The following URB1 variants were observed in gnomAD, a reference collection of about 807,000 sequenced individuals.
The protein encoded by URB1 is URB1 ribosome biogenesis factor.
Under a neutral mutation model 242.3 loss-of-function variants are expected in URB1, and 197 were observed. The ratio of observed to expected loss-of-function variants is 0.81; its 90% CI spans 0.72 to 0.91. The LOEUF (loss-of-function observed/expected upper bound fraction) is 0.91. Ranked by LOEUF, URB1 falls within the 40% of genes least tolerant of loss-of-function variation. The probability of loss-of-function intolerance (pLI) is 0.00; values close to 1 mark genes in which losing one functional copy is unlikely to be tolerated. For missense variants in URB1, 2,721 were observed against 2,860.5 expected, an observed-to-expected ratio of 0.95 and a Z score of 1.11; for synonymous variants, 1,153 against 1,201.8, an observed-to-expected ratio of 0.96 and a Z score of 0.84.
rs2032640154 is a variant in URB1 at position 32,314,194 on chromosome 21, T to C, written c.*724A>G. ...TATAGAAAAACAAACTTTATTTTTT[T>C]ATTTTTTTGAGATGGAGTCTTGCTC... On this transcript the variant is annotated 3_prime_UTR_variant, in exon 39 of 39. Transcript: ENST00000382751. 1.0e-5 allele frequency: 2 copies of C among 193,858 alleles called. No homozygotes were observed. Among genetic ancestry groups the C allele is most frequent in the Admixed American group, 5.4e-5 (1 of 18,488 alleles). 12.0% of individuals were successfully genotyped at this position (193,858 alleles called of 1,614,324 possible). A position where few individuals can be genotyped will look rare whatever the true frequency, so the allele number is the denominator to read the frequency against.
chr21:32,377,133 CATGG>C (rs1233250673), intron 5 of URB1: 1 of 510,366 alleles, frequency 2.0e-6, no homozygotes, highest in African/African-American at 2.0e-5. Context: ...AATGACTAGA[CATGG>C]AATTGCAGGA....
In URB1 at chr21:32,314,545, T is replaced by C. The variant is rs1423181221; in HGVS notation, c.*373A>G. ...AAAAAAAATCTGATACCTTTTGACA[T>C]TTCAGCTTTAACACAGATGAATCTC... On this transcript the variant is annotated 3_prime_UTR_variant, in exon 39 of 39. Coordinates refer to ENST00000382751, the MANE Select transcript of URB1 (RefSeq NM_014825.3). The C allele has an allele frequency of 1.2e-6, 2 of 1,612,870 alleles. No individual in the cohort carries two copies. Among genetic ancestry groups the C allele is most frequent in the Admixed American group, 1.7e-5 (1 of 60,026 alleles).
chr21:32,343,354 A>T lies in URB1; in HGVS notation c.4257+1216T>A, dbSNP rs956254456. Reference sequence around the variant, plus strand: ...AGCAACAAAAAGTAAGAAACTACTTATTCCCACCACATGGATGAATCTGGA... The same window carrying T: ...AGCAACAAAAAGTAAGAAACTACTTTTTCCCACCACATGGATGAATCTGGA... On this transcript the variant is annotated intron_variant, in intron 24 of 38. Coordinates refer to ENST00000382751, the MANE Select transcript of URB1 (RefSeq NM_014825.3). Among the ~76,000 whole-genome samples, 109 of 149,564 alleles carry T rather than the reference A, an allele frequency of 7.3e-4. 2 individuals carry two copies. The highest frequency in any genetic ancestry group is 2.5e-3 in the African/African-American group (104 of 41,208).
At position 32,345,429 on chromosome 21, in the gene URB1, T is replaced by G. The variant is rs1345599871; in HGVS notation, c.4015A>C (p.Ser1339Arg). ...LVPFARAKDL[S>R]VLMDRLPSLL... ...CTGGGCAGGCGGTCCATGAGTACAC[T>G]GAGATCCTTGGCTCGTGCAAACGGG... The change falls in exon 23 of 39, where the codon AGT (serine) becomes CGT (arginine). Residue 1339 changes from serine to arginine, a missense_variant. By Grantham distance (110) the Ser-to-Arg change is moderately radical. Coordinates refer to ENST00000382751, the MANE Select transcript of URB1 (RefSeq NM_014825.3). 3.9e-6 allele frequency: 6 copies of G among 1,551,354 alleles called. No individual in the cohort carries two copies. The highest frequency in any genetic ancestry group is 1.7e-6 in the Non-Finnish European group (2 of 1,146,976).
chr21:32,319,118 CT>C (rs1051273484), intron 36 of URB1, 98 bp downstream of exon 36: 16 of 1,259,318 alleles, frequency 1.3e-5, no homozygotes, highest in African/African-American at 4.6e-5. Flanking sequence ...CAGCGTCCCC[CT>C]GGTACAGAGT....
At position 32,317,750 on chromosome 21, in the gene URB1, A is replaced by G; in HGVS notation, c.5960T>C (p.Leu1987Pro). The part of the protein sequence containing the change: ...DVLVLLHKWS[L>P]IERDLKLQED... Reference sequence around the variant, plus strand: ...CTGGAGCTTGAGGTCTCTTTCAATGAGGCTCCACTTGTGCAAGAGGACAAG... The same window carrying G: ...CTGGAGCTTGAGGTCTCTTTCAATGGGGCTCCACTTGTGCAAGAGGACAAG... The change falls in exon 37 of 39, where the codon CTC becomes CCC. Residue 1987 changes from leucine (L) to proline (P), a missense_variant. Leu to Pro is a moderately conservative substitution (Grantham distance 98, BLOSUM62 -3). Transcript: ENST00000382751. The G allele has an allele frequency of 6.4e-7, 1 of 1,551,874 alleles. No homozygotes were observed. The highest frequency in any genetic ancestry group is 8.7e-7 in the Non-Finnish European group (1 of 1,147,016).
intron 8 of URB1, among the ~76,000 whole-genome samples, chr21:32,370,202 T>C (rs2033391995): frequency 6.6e-6 from 1 of 152,104 alleles, no homozygotes. Context: ...GACACAGTGA[T>C]GGTTTCTAGG....
chr21:32,360,894 G>A lies in URB1; in HGVS notation c.1756+113C>T, dbSNP rs139218769. The A allele has an allele frequency of 5.0e-4, 315 of 635,146 alleles. 2 individuals are homozygous for A. The East Asian group carries it at 9.6e-3, about 19-fold the overall frequency. 39.3% of individuals were successfully genotyped at this position (635,146 alleles called of 1,614,324 possible). The stretch of plus-strand genomic sequence containing the variant: ...TGCAAGTACAATTTCTCAGGCTGAC[G>A]GATGAGCACGCAGCCAACCGTCCAC... On this transcript the variant is annotated intron_variant, in intron 13 of 38. Coordinates refer to ENST00000382751, the MANE Select transcript of URB1 (RefSeq NM_014825.3).
intron 22 of URB1, among the ~76,000 whole-genome samples, chr21:32,346,609 C>G (rs536248020): frequency 6.6e-6 from 1 of 152,180 alleles, no homozygotes; most frequent in Non-Finnish European, 1.5e-5. Context: ...GCAGGGAACC[C>G]TGGGACATGG....
intron 1 of URB1, among the ~76,000 whole-genome samples, chr21:32,387,144 T>C (rs111391214): frequency 4.8e-4 from 73 of 152,104 alleles, no homozygotes; most frequent in African/African-American, 1.7e-3. Flanking sequence ...CTGAGGATTC[T>C]ACTACCCTTC....
At chr21:32,383,661 A>C (rs2033551377) in intron 3 of URB1, 107 bp from the exon 4 acceptor site, 1 of 1,246,904 alleles carries the variant, frequency 8.0e-7, no homozygotes, top group African/African-American at 1.6e-5. Flanking sequence ...GCTATCCCCA[A>C]ACCAGAAAAA....
intron 29 of URB1, 38 bp downstream of exon 29, chr21:32,334,125 T>C (rs2032927061): frequency 6.7e-7 from 1 of 1,486,982 alleles, no homozygotes. Context: ...GAGGCTGGGG[T>C]GAAGGGGTGG....
chr21:32,321,509 C>T (rs922036529), intron 34 of URB1, among the ~76,000 whole-genome samples: 1 of 152,132 alleles, frequency 6.6e-6, no homozygotes, highest in Non-Finnish European at 1.5e-5. Flanking sequence ...CCACTGATGG[C>T]CTTCGTATAT....
In URB1 at chr21:32,334,333, C is replaced by T; in HGVS notation, c.4687G>A (p.Val1563Met). Reference sequence around the variant, plus strand: ...ACGGCCGCTGGGCCCCACAGCAGCACCCTAGAGCCAGAAAAGGGAAAAGAG... The same window carrying T: ...ACGGCCGCTGGGCCCCACAGCAGCATCCTAGAGCCAGAAAAGGGAAAAGAG... ...QNKLSLINFR[V>M]LLWGPAAVEH... Residue 1563 changes from valine (V) to methionine (M), a missense_variant and splice_region_variant, in exon 29 of 39, where the codon GTG becomes ATG. Val to Met is a conservative substitution (Grantham distance 21, BLOSUM62 1). Coordinates refer to ENST00000382751, the MANE Select transcript of URB1 (RefSeq NM_014825.3). 1 of 1,542,162 alleles carries T rather than the reference C, an allele frequency of 6.5e-7. No individual in the cohort carries two copies. Among genetic ancestry groups the T allele is most frequent in the Non-Finnish European group, 8.8e-7 (1 of 1,140,444 alleles).
In URB1 at chr21:32,347,967, C is replaced by G. The variant is rs28500645; in HGVS notation, c.3013-156G>C. 4.4e-3 allele frequency among the ~76,000 whole-genome samples: 670 copies of G among 152,268 alleles called. 8 individuals are homozygous for G. Among genetic ancestry groups the G allele is most frequent in the African/African-American group, 0.015 (631 of 41,530 alleles). Reference sequence around the variant, plus strand: ...TCCTCAAGCCTACATTTCCATGCCCCCCTCGGGGTGCCCAAGGCATCGCAG... The same window carrying G: ...TCCTCAAGCCTACATTTCCATGCCCGCCTCGGGGTGCCCAAGGCATCGCAG... On this transcript the variant is annotated intron_variant, in intron 21 of 38. Transcript: ENST00000382751.
chr21:32,368,693 A>G (rs1204832989), intron 8 of URB1, 95 bp from the exon 9 acceptor site: 1 of 1,061,776 alleles, frequency 9.4e-7, no homozygotes, highest in African/African-American at 1.6e-5. Flanking sequence ...AATTGCCCTC[A>G]GTGAACACAG....
rs749147614 is a variant in URB1, at chr21:32,316,642, T to C, written c.6458A>G (p.Tyr2153Cys). The C allele has an allele frequency of 8.4e-6, 13 of 1,551,604 alleles. No homozygotes were observed. The East Asian group carries it at 2.7e-4, about 32-fold the overall frequency. Residue 2153 changes from tyrosine (Y) to cysteine (C), a missense_variant, in exon 38 of 39, where the codon TAT (tyrosine) becomes TGT (cysteine). Tyr to Cys is a radical substitution (Grantham distance 194, BLOSUM62 -2). Transcript: ENST00000382751. ...CCCCTCAGCCCCACAGAGCCGGCTA[T>C]ACAGCCTGAATATGCTGCTCCTCAC... Reference protein sequence around the residue: ...SAVRSSIFRLYSRLCGAEGLA... With the variant: ...SAVRSSIFRLCSRLCGAEGLA...
At chr21:32,316,440 G>T in intron 38 of URB1, 26 bp downstream of exon 38, 1 of 1,470,634 alleles carries the variant, frequency 6.8e-7, no homozygotes, top group South Asian at 1.4e-5. Context: ...TATTTCTTCA[G>T]CCTCCAACAA....
chr21:32,344,835 G>T, intron 23 of URB1, 79 bp from the exon 24 acceptor site: 1 of 1,438,286 alleles, frequency 7.0e-7, no homozygotes, highest in Non-Finnish European at 9.2e-7. Flanking sequence ...GCATCACAAA[G>T]AGCCATATGG....
Sources: allele counts gnomAD v4.1 joint callset (sites outside exome capture counted in the v4.1 genomes callset), GRCh38; gene constraint gnomAD v4.1.1; transcripts MANE v1.5; gene names NCBI Gene and HGNC (gene_info 2026-07-23, HGNC 2026-07-21).